Variants in PRR12 observed in about 807,000 individuals in gnomAD.
PRR12 encodes proline rich 12.
A neutral mutation model predicts 138.0 loss-of-function variants in PRR12; 12 were observed. The observed-to-expected ratio is 0.09, with a 90% CI of 0.06 to 0.14. The LOEUF is 0.14. Among genes scored for constraint, PRR12 ranks in the 10% least tolerant of loss-of-function variants. The pLI is 1.00. For missense variants in PRR12, 2,692 were observed against 2,861.3 expected, an observed-to-expected ratio of 0.94 and a Z score of 1.35; for synonymous variants, 1,567 against 1,291.7, an observed-to-expected ratio of 1.21 and a Z score of -4.57.
Position 49,597,088 on chromosome 19 carries a change from C to G in PRR12, c.2753C>G (p.Pro918Arg). The change falls in exon 4 of 14, where the codon CCG becomes CGG. Residue 918 changes from proline (P) to arginine (R), a missense_variant. By Grantham distance (103) the Pro-to-Arg change is moderately radical. Transcript: ENST00000418929. This position sits in a 1 kb window ranked among gnomAD's most constrained non-coding sequence, Gnocchi z 6.3. ...GCAGGCGCCTACCGCAGCCCCAGCC[C>G]GCAAGGCACCAAGGCGCCGCGTTTC... ...DPAGAYRSPS[P>R]QGTKAPRFVP... The G allele has an allele frequency of 6.4e-7, 1 of 1,551,980 alleles. No individual in the cohort carries two copies. Among genetic ancestry groups the G allele is most frequent in the Non-Finnish European group, 8.7e-7 (1 of 1,148,060 alleles).
At position 49,597,560 on chromosome 19, in the gene PRR12, ATCC is replaced by A. The variant is rs2080782412; in HGVS notation, c.3230_3232del (p.Ser1077del). On this transcript the variant is annotated inframe_deletion, in exon 4 of 14. Transcript: ENST00000418929. The surrounding 1 kb of genome is among the most constrained non-coding windows in gnomAD (Gnocchi z 6.3). ...CCAAGCCAAAGAAGCTGCTCAAGAC[ATCC>A]TCCTTCCACCTGCTGCGGCGCCGCG... 1 of 1,593,908 alleles carries A rather than the reference ATCC, an allele frequency of 6.3e-7. No individual in the cohort carries two copies. Among genetic ancestry groups the A allele is most frequent in the South Asian group, 1.1e-5 (1 of 87,436 alleles).
chr19:49,599,708 G>A lies in PRR12; in HGVS notation c.4115G>A (p.Arg1372Gln), dbSNP rs915750053. The stretch of plus-strand genomic sequence containing the variant: ...AAGCGGCTTGATGAGGAGCTGAAGC[G>A]GAACCTCGAGACGCTGCCCTCCTTC... ...PCKRLDEELKRNLETLPSFSS... is the reference protein window; with the variant it reads ...PCKRLDEELKQNLETLPSFSS... The change falls in exon 5 of 14, where the codon CGG (arginine) becomes CAG (glutamine). Residue 1372 changes from arginine (R) to glutamine (Q), a missense_variant. Arg to Gln is a conservative substitution (Grantham distance 43). This residue lies in a region of PRR12 where 22 missense variants were observed against 59.2 expected (regional missense o/e 0.37). Transcript: ENST00000418929. The surrounding 1 kb of genome is among the most constrained non-coding windows in gnomAD (Gnocchi z 5.0). The A allele has an allele frequency of 6.2e-6, 10 of 1,613,518 alleles. No homozygotes were observed. The highest frequency in any genetic ancestry group is 1.6e-4 in the Middle Eastern group (1 of 6,062).
intron 6 of PRR12, among the ~76,000 whole-genome samples, chr19:49,611,652 G>A (rs1247255939): frequency 2.7e-3 from 391 of 143,976 alleles, no homozygotes; most frequent in African/African-American, 9.9e-3. Flanking sequence ...GGCCGGGCGC[G>A]GTGGCTCACG....
In PRR12 at chr19:49,601,597, G is replaced by A. The variant is rs527347666; in HGVS notation, c.4452G>A (p.Ser1484=). ...PPPPPQPALP[S]PPPLVAPTPS... is the part of the protein sequence containing the mutation. ...CGCCGCCACAGCCAGCCCTGCCCTC[G>A]CCACCCCCGCTGGTGGCCCCCACGC... Residue 1484 remains serine, a synonymous_variant, in exon 6 of 14, where the codon TCG becomes TCA. Coordinates refer to ENST00000418929, the MANE Select transcript of PRR12 (RefSeq NM_020719.3). 61 of 1,522,310 alleles carry A rather than the reference G, an allele frequency of 4.0e-5. 1 individual carries two copies. The highest frequency in any genetic ancestry group is 1.9e-4 in the South Asian group (16 of 82,908). The allele number at this position is 1,522,310 out of a possible 1,614,324, so 94.3% of individuals were successfully genotyped here.
At chr19:49,622,809 G>A (rs1438230737) in intron 11 of PRR12, among the ~76,000 whole-genome samples, 3 of 145,054 alleles carry the variant, frequency 2.1e-5, no homozygotes, top group South Asian at 2.2e-4. Flanking sequence ...GGAGAAAGGC[G>A]TGAACCCGGG....
intron 6 of PRR12, among the ~76,000 whole-genome samples, chr19:49,611,018 T>G (rs2080863239): frequency 6.6e-6 from 1 of 151,882 alleles, no homozygotes; most frequent in African/African-American, 2.4e-5. Flanking sequence ...AATTTTTGTA[T>G]TTTTGTAGAG....
chr19:49,599,772 C>T lies in PRR12; in HGVS notation c.4179C>T (p.Asp1393=). Residue 1393 remains aspartate, a synonymous_variant, in exon 5 of 14, where the codon GAC becomes GAT. Coordinates refer to ENST00000418929, the MANE Select transcript of PRR12 (RefSeq NM_020719.3). This position sits in a 1 kb window ranked among gnomAD's most constrained non-coding sequence, Gnocchi z 5.0. ...DEEDSVAKNR[D]LQESISSAIS... Reference sequence around the variant, plus strand: ...AAGACTCTGTCGCCAAGAACCGAGACCTGCAGGAGAGCATCTCCTCCGCCA... The same window carrying T: ...AAGACTCTGTCGCCAAGAACCGAGATCTGCAGGAGAGCATCTCCTCCGCCA... 6.2e-7 allele frequency: 1 copy of T among 1,613,678 alleles called. No homozygotes were observed. The highest frequency in any genetic ancestry group is 1.3e-5 in the African/African-American group (1 of 75,068).
Position 49,625,293 on chromosome 19 carries a change from C to A in PRR12, c.5964+93C>A. On this transcript the variant is annotated intron_variant, in intron 13 of 13. Transcript: ENST00000418929. The surrounding 1 kb of genome is among the most constrained non-coding windows in gnomAD (Gnocchi z 5.5). ...GGGTCCAAGCCCAGCCCCATCCTGCCTCAGACCCAAGAGTTCAGGTCCTTC... is the reference window on the plus strand; with the variant it reads ...GGGTCCAAGCCCAGCCCCATCCTGCATCAGACCCAAGAGTTCAGGTCCTTC... The A allele has an allele frequency of 6.7e-7, 1 of 1,488,886 alleles. No homozygotes were observed. Among genetic ancestry groups the A allele is most frequent in the Non-Finnish European group, 9.2e-7 (1 of 1,081,658 alleles). 92.2% of individuals were successfully genotyped at this position (1,488,886 alleles called of 1,614,324 possible). A position where few individuals can be genotyped will look rare whatever the true frequency, so the allele number is the denominator to read the frequency against.
Position 49,619,011 on chromosome 19 carries a change from G to A in PRR12, c.5498-1341G>A, listed in dbSNP as rs1022011536. On this transcript the variant is annotated intron_variant, in intron 9 of 13. Coordinates refer to ENST00000418929, the MANE Select transcript of PRR12 (RefSeq NM_020719.3). ...TGCCTGGTGTTGGAGGCCCAGTGTG[G>A]TCTGGCCTGCACTGACCTGTGCAAT... Among the ~76,000 whole-genome samples, 3 of 151,972 alleles carry A rather than the reference G, an allele frequency of 2.0e-5. No homozygotes were observed. In the South Asian group the frequency reaches 6.2e-4, roughly 32 times the overall value.
At chr19:49,598,035 T>G (rs755586522) in intron 4 of PRR12, 22 bp downstream of exon 4, 8 of 1,316,296 alleles carry the variant, frequency 6.1e-6, no homozygotes, top group Non-Finnish European at 7.7e-6. Context: ...TGGGGTCTTG[T>G]AGGGGATAGG....
intron 9 of PRR12, among the ~76,000 whole-genome samples, chr19:49,617,062 C>T (rs1315252785): frequency 6.7e-6 from 1 of 149,166 alleles, no homozygotes; most frequent in Non-Finnish European, 1.5e-5. Flanking sequence ...ACCCGGGAGG[C>T]AGAGGTTACG....
intron 11 of PRR12, among the ~76,000 whole-genome samples, chr19:49,622,824 G>A (rs7247266): frequency 0.35 from 51,007 of 144,694 alleles, 9,805 homozygotes; most frequent in African/African-American, 0.52. Context: ...CCCGGGAGGC[G>A]GAGCTTGCAG....
intron 6 of PRR12, among the ~76,000 whole-genome samples, chr19:49,605,893 T>C (rs1166302082): frequency 6.6e-6 from 1 of 152,254 alleles, no homozygotes; most frequent in Non-Finnish European, 1.5e-5. Context: ...TGTACAGACC[T>C]TGGGGACTCA....
rs769185484 is a variant in PRR12 at position 49,625,592 on chromosome 19, C to T, written c.6096C>T (p.His2032=). 1.4e-5 allele frequency: 22 copies of T among 1,608,372 alleles called. No homozygotes were observed. The highest frequency in any genetic ancestry group is 1.7e-5 in the Admixed American group (1 of 59,490). ...FSDLLAQAQA[H]SRCG ...ACCTGCTGGCCCAAGCACAGGCCCACAGCCGCTGCGGGTGACCCCGCCCCA... is the reference window on the plus strand; with the variant it reads ...ACCTGCTGGCCCAAGCACAGGCCCATAGCCGCTGCGGGTGACCCCGCCCCA... The change falls in exon 14 of 14, where the codon CAC becomes CAT. Residue 2032 remains histidine (H), a synonymous_variant. Transcript: ENST00000418929. The surrounding 1 kb of genome is among the most constrained non-coding windows in gnomAD (Gnocchi z 5.5).
chr19:49,608,994 C>T (rs1329274869), intron 6 of PRR12, among the ~76,000 whole-genome samples: 2 of 152,114 alleles, frequency 1.3e-5, no homozygotes, highest in South Asian at 2.1e-4. Flanking sequence ...GGCTGGGCAG[C>T]GTGTATACTC....
At chr19:49,609,952 T>TG (rs2080857261) in intron 6 of PRR12, among the ~76,000 whole-genome samples, 1 of 151,972 alleles carries the variant, frequency 6.6e-6, no homozygotes, top group African/African-American at 2.4e-5. Flanking sequence ...CCCCTGTCAA[T>TG]GGGACCCTGC....
In PRR12 at chr19:49,596,699, T is replaced by G; in HGVS notation, c.2364T>G (p.Pro788=). The change falls in exon 4 of 14, where the codon CCT becomes CCG. Residue 788 remains proline, a synonymous_variant. Coordinates refer to ENST00000418929, the MANE Select transcript of PRR12 (RefSeq NM_020719.3). This position sits in a 1 kb window ranked among gnomAD's most constrained non-coding sequence, Gnocchi z 5.6. Reference sequence around the variant, plus strand: ...GCCTCCTTCTGGAGGCCGGGGGCCCTGACCTCCCACTGGTGCTGCCTCCGC... The same window carrying G: ...GCCTCCTTCTGGAGGCCGGGGGCCCGGACCTCCCACTGGTGCTGCCTCCGC... The part of the protein sequence containing the change: ...PHGLLLEAGG[P]DLPLVLPPPP... 1 of 1,605,628 alleles carries G rather than the reference T, an allele frequency of 6.2e-7. No homozygotes were observed. The highest frequency in any genetic ancestry group is 1.1e-5 in the South Asian group (1 of 90,826).
At chr19:49,610,266 C>T (rs776575572) in intron 6 of PRR12, among the ~76,000 whole-genome samples, 6 of 151,386 alleles carry the variant, frequency 4.0e-5, no homozygotes, top group Non-Finnish European at 7.4e-5. Flanking sequence ...CGAGCCACCC[C>T]GCACCCAGCC....
rs779367728 is a variant in PRR12 at position 49,595,459 on chromosome 19, G to C, written c.1124G>C (p.Gly375Ala). 6.5e-7 allele frequency: 1 copy of C among 1,549,066 alleles called. No individual in the cohort carries two copies. The highest frequency in any genetic ancestry group is 1.2e-5 in the South Asian group (1 of 84,034). Residue 375 changes from glycine to alanine, a missense_variant, in exon 4 of 14, where the codon GGT becomes GCT. By Grantham distance (60) the Gly-to-Ala change is moderately conservative. Coordinates refer to ENST00000418929, the MANE Select transcript of PRR12 (RefSeq NM_020719.3). ...GCAGCAGGGGGCGGTGGGGCTGGGG[G>C]TGGTGGTGGAGGTTACCGCCCCATC... Reference protein sequence around the residue: ...PEAAGGGGAGGGGGGYRPIIQ... With the variant: ...PEAAGGGGAGAGGGGYRPIIQ...
Sources: gnomAD v4.1 joint callset for allele counts (sites outside exome capture counted in the v4.1 genomes callset) on GRCh38, gnomAD v4.1.1 for gene constraint, gnomAD v4.1.1 regional missense constraint, Gnocchi (gnomAD v3.1) non-coding constraint, MANE v1.5 for transcripts, NCBI Gene and HGNC (gene_info 2026-07-23, HGNC 2026-07-21) for gene names.